ADGRG1: variants seen among roughly 807,000 people sequenced by gnomAD.
ADGRG1 encodes adhesion G protein-coupled receptor G1, also known as 7-transmembrane protein with no EGF-like N-terminal domains-1.
Under a neutral mutation model 73.5 loss-of-function variants are expected in ADGRG1, and 53 were observed. The observed-to-expected ratio is 0.72, with a 90% CI of 0.58 to 0.91. The LOEUF (loss-of-function observed/expected upper bound fraction) is 0.91. Among genes scored for constraint, ADGRG1 ranks in the 40% least tolerant of loss-of-function variants. The pLI, the probability that ADGRG1 is intolerant of heterozygous loss-of-function variation, is 0.00. For synonymous variants in ADGRG1, 394 were observed against 374.4 expected, an observed-to-expected ratio of 1.05 and a Z score of -0.60; for missense variants, 795 against 871.8, an observed-to-expected ratio of 0.91 and a Z score of 1.11.
At chr16:57,637,350 G>A in intron 1 of ADGRG1, 1 of 985,200 alleles carries the variant, frequency 1.0e-6, no homozygotes, top group Non-Finnish European at 1.2e-6. Context: ...TACTATGAGT[G>A]GGATGTTTAG....
intron 1 of ADGRG1, chr16:57,641,158 G>T (rs1340926745): frequency 2.5e-6 from 2 of 799,976 alleles, no homozygotes; most frequent in East Asian, 1.2e-4. Flanking sequence ...AAACATCAGA[G>T]TTGCCCACTT....
chr16:57,656,793 C>G (rs2045844156), intron 9 of ADGRG1, among the ~76,000 whole-genome samples, 176 bp downstream of exon 9: 1 of 152,188 alleles, frequency 6.6e-6, no homozygotes, highest in Admixed American at 6.5e-5. Flanking sequence ...AGCAATTTAC[C>G]CGTGGCCACA....
Position 57,650,281 on chromosome 16 carries a change from G to A in ADGRG1, c.-7G>A, listed in dbSNP as rs767495532. 1.2e-5 allele frequency: 19 copies of A among 1,612,952 alleles called. No homozygotes were observed. Among genetic ancestry groups the A allele is most frequent in the Middle Eastern group, 3.3e-4 (2 of 6,082 alleles). On this transcript the variant is annotated 5_prime_UTR_variant, in exon 2 of 14. Transcript: ENST00000562631. ...GTGACTTCCAAGAGTGACTCCGTCG[G>A]AGGAAAATGACTCCCCAGTCGCTGC...
upstream of ADGRG1, chr16:57,627,915 C>G: frequency 1.0e-6 from 1 of 967,092 alleles, no homozygotes; most frequent in South Asian, 4.8e-5. Context: ...CTGGGAATGG[C>G]TCTTCACCCA....
rs1036708622 is a variant in ADGRG1, at chr16:57,628,699, G to A, written c.-139G>A. On this transcript the variant is annotated 5_prime_UTR_variant, in exon 1 of 14. Coordinates refer to ENST00000562631, the MANE Select transcript of ADGRG1 (RefSeq NM_201525.4). The stretch of plus-strand genomic sequence containing the variant: ...GCCTCCCACGCTCTCCAGCTCACTC[G>A]GCAGGCAGCGGGGACCAGGGCTGGC... 3 of 985,384 alleles carry A rather than the reference G, an allele frequency of 3.0e-6. No homozygotes were observed. Among genetic ancestry groups the A allele is most frequent in the African/African-American group, 3.5e-5 (2 of 57,252 alleles). The allele number at this position is 985,384 out of a possible 1,614,324, so 61.0% of individuals were successfully genotyped here. A position where few individuals can be genotyped will look rare whatever the true frequency, so the allele number is the denominator to read the frequency against.
intron 1 of ADGRG1, chr16:57,635,775 G>T (rs1194250783): frequency 1.0e-6 from 1 of 985,406 alleles, no homozygotes; most frequent in Non-Finnish European, 1.2e-6. Flanking sequence ...AGGCAGCCCA[G>T]GGAAAGGAGT....
rs777463435 is a variant in ADGRG1 at position 57,628,778 on chromosome 16, C to T, written c.-60C>T. On this transcript the variant is annotated 5_prime_UTR_variant, in exon 1 of 14. Coordinates refer to ENST00000562631, the MANE Select transcript of ADGRG1 (RefSeq NM_201525.4). ...AAGGTGGTCCAGCCGCCTGGCCCTGCGTGGGACCCTCCACCTGGCAGCAGG... is the reference window on the plus strand; with the variant it reads ...AAGGTGGTCCAGCCGCCTGGCCCTGTGTGGGACCCTCCACCTGGCAGCAGG... 2 of 985,550 alleles carry T rather than the reference C, an allele frequency of 2.0e-6. No homozygotes were observed. The highest frequency in any genetic ancestry group is 2.4e-6 in the Non-Finnish European group (2 of 830,048). The allele number at this position is 985,550 out of a possible 1,614,324, so 61.1% of individuals were successfully genotyped here. A position where few individuals can be genotyped will look rare whatever the true frequency, so the allele number is the denominator to read the frequency against.
chr16:57,659,278 A>C, intron 10 of ADGRG1, 135 bp from the exon 11 acceptor site: 1 of 1,540,378 alleles, frequency 6.5e-7, no homozygotes, highest in Non-Finnish European at 8.7e-7. Flanking sequence ...CCACAGGAAT[A>C]GGATAGGGGC....
At chr16:57,656,083 T>C (rs757732442) in intron 7 of ADGRG1, 91 bp downstream of exon 7, 210 of 1,613,276 alleles carry the variant, frequency 1.3e-4, no homozygotes, top group Non-Finnish European at 1.6e-4. Flanking sequence ...GTCTTTATAA[T>C]GAAACGATTG....
At chr16:57,644,196 A>C (rs1475137300) in intron 1 of ADGRG1, 1 of 984,956 alleles carries the variant, frequency 1.0e-6, no homozygotes, top group Non-Finnish European at 1.2e-6. Context: ...GGCCCCATGC[A>C]TCCCTGTGTA....
At position 57,654,422 on chromosome 16, in the gene ADGRG1, G is replaced by GT. The variant is rs200720786; in HGVS notation, c.768+301dup. 0.075 allele frequency among the ~76,000 whole-genome samples: 8,562 copies of GT among 114,470 alleles called. 1,015 individuals carry two copies. The highest frequency in any genetic ancestry group is 0.32 in the East Asian group (1,073 of 3,322). The allele number at this position is 114,470 out of a possible 152,430, so 75.1% of individuals were successfully genotyped here. A position where few individuals can be genotyped will look rare whatever the true frequency, so the allele number is the denominator to read the frequency against. Reference sequence around the variant, plus strand: ...GCCTGTCCACGCACCCCCCCCCCCCGTTTTTTTTTTTTCGAGACAGGGTCT... The same window carrying GT: ...GCCTGTCCACGCACCCCCCCCCCCCGTTTTTTTTTTTTTCGAGACAGGGTCT... On this transcript the variant is annotated intron_variant, in intron 5 of 13. Transcript: ENST00000562631.
chr16:57,656,711 T>C lies in ADGRG1; in HGVS notation c.1167+94T>C, dbSNP rs1426687938. Reference sequence around the variant, plus strand: ...CATATATTCAGTCATTTATTCCTCATAACAGCTCTCCAAGGTAGCTTCTAT... The same window carrying C: ...CATATATTCAGTCATTTATTCCTCACAACAGCTCTCCAAGGTAGCTTCTAT... On this transcript the variant is annotated intron_variant, in intron 9 of 13. Coordinates refer to ENST00000562631, the MANE Select transcript of ADGRG1 (RefSeq NM_201525.4). The C allele has an allele frequency of 1.2e-5, 10 of 816,386 alleles. No homozygotes were observed. In the African/African-American group the frequency reaches 1.3e-4, roughly 11 times the overall value. 50.6% of individuals were successfully genotyped at this position (816,386 alleles called of 1,614,324 possible).
At chr16:57,626,719 TGTGGTG>T, upstream of ADGRG1, 1 of 984,736 alleles carries the variant, frequency 1.0e-6, no homozygotes, top group Non-Finnish European at 1.2e-6. Context: ...GGGGTGTGTG[TGTGGTG>T]GTGGTGGTGG....
At chr16:57,629,241 C>A in intron 1 of ADGRG1, 1 of 905,610 alleles carries the variant, frequency 1.1e-6, no homozygotes, top group Non-Finnish European at 1.3e-6. Flanking sequence ...AGAGTGGGGG[C>A]GGACCCACAA....
chr16:57,646,794 A>G, intron 1 of ADGRG1: 1 of 830,084 alleles, frequency 1.2e-6, no homozygotes, highest in Non-Finnish European at 1.5e-6. Context: ...TGAGACCCGT[A>G]TCACAGGGTG....
chr16:57,634,995 G>T, intron 1 of ADGRG1: 1 of 985,394 alleles, frequency 1.0e-6, no homozygotes, highest in Non-Finnish European at 1.2e-6. Context: ...CTGTCCATGT[G>T]TAAATAGCTC....
At chr16:57,652,789 C>T (rs1306274254) in intron 3 of ADGRG1, 2 of 1,074,744 alleles carry the variant, frequency 1.9e-6, no homozygotes, top group East Asian at 1.6e-4. Flanking sequence ...TAGTAGGCCG[C>T]CCACGCTACC....
intron 12 of ADGRG1, 70 bp downstream of exon 12, chr16:57,660,946 C>A: frequency 1.1e-6 from 1 of 942,018 alleles, no homozygotes; most frequent in Non-Finnish European, 1.7e-6. Context: ...GCAGCCCGGG[C>A]CCAGGTCATG....
intron 5 of ADGRG1, 25 bp downstream of exon 5, chr16:57,654,158 G>A (rs1199333896): frequency 1.2e-6 from 2 of 1,605,168 alleles, no homozygotes; most frequent in Non-Finnish European, 1.7e-6. Flanking sequence ...TGGGCAGGAA[G>A]CAGATGCGGG....
Sources: gnomAD v4.1 joint callset for allele counts (sites outside exome capture counted in the v4.1 genomes callset) on GRCh38, gnomAD v4.1.1 for gene constraint, MANE v1.5 for transcripts, NCBI Gene and HGNC (gene_info 2026-07-23, HGNC 2026-07-21) for gene names.